ENOSF1: variants seen among roughly 807,000 people sequenced by gnomAD.
ENOSF1 encodes the protein mitochondrial enolase superfamily member 1.
Under a neutral mutation model 68.2 loss-of-function variants are expected in ENOSF1, and 73 were observed. The observed-to-expected ratio is 1.07, with a 90% confidence interval of 0.89 to 1.30. The LOEUF is 1.30. Ranked by LOEUF, ENOSF1 falls within the 50% of genes most tolerant of loss-of-function variation. The probability of loss-of-function intolerance (pLI) is 0.00; values close to 1 mark genes in which losing one functional copy is unlikely to be tolerated. For synonymous variants in ENOSF1, 223 were observed against 210.4 expected, an observed-to-expected ratio of 1.06 and a Z score of -0.52; for missense variants, 589 against 554.5, an observed-to-expected ratio of 1.06 and a Z score of -0.62.
intron 11 of ENOSF1, 95 bp downstream of exon 11, chr18:683,151 G>T: frequency 6.9e-7 from 1 of 1,459,816 alleles, no homozygotes; most frequent in Non-Finnish European, 9.3e-7. Context: ...AAATGCAAGA[G>T]GGAACAAGTG....
chr18:686,089 G>A (rs146074607), intron 9 of ENOSF1, 81 bp from the exon 10 acceptor site: 38 of 945,918 alleles, frequency 4.0e-5, no homozygotes, highest in Non-Finnish European at 5.4e-5. Flanking sequence ...AGAAGTGACC[G>A]TCTCTGTCAA....
At chr18:680,301 C>G (rs1396876634) in intron 11 of ENOSF1, among the ~76,000 whole-genome samples, 1 of 152,160 alleles carries the variant, frequency 6.6e-6, no homozygotes, top group East Asian at 1.9e-4. Flanking sequence ...CCTTTTCAAG[C>G]CAACATTTTA....
At chr18:693,989 C>T (rs2077467910) in intron 4 of ENOSF1, 81 bp from the exon 5 acceptor site, 3 of 999,186 alleles carry the variant, frequency 3.0e-6, no homozygotes, top group Non-Finnish European at 2.8e-6. Context: ...GTTGGCAGCT[C>T]TAATGCTGGC....
rs368581292 is a variant in ENOSF1, at chr18:691,284, C to G, written c.424-8G>C. ...TACCAGCATCCTGGGATCCTGGCAA[C>G]GTGACAGGAGGGGAAGAGGCCTGAA... is the stretch of plus-strand genomic sequence containing the variant. On this transcript the variant is annotated splice_region_variant and splice_polypyrimidine_tract_variant and intron_variant, in intron 5 of 15. Transcript: ENST00000647584. 1 of 1,611,122 alleles carries G rather than the reference C, an allele frequency of 6.2e-7. No individual in the cohort carries two copies. The highest frequency in any genetic ancestry group is 2.2e-5 in the East Asian group (1 of 44,846).
At chr18:678,398 C>T in intron 12 of ENOSF1, 1 of 461,488 alleles carries the variant, frequency 2.2e-6, no homozygotes. Flanking sequence ...AGCTGGCTTT[C>T]TTAAGACCAT....
At chr18:666,877 C>T (rs895373182), downstream of ENOSF1, among the ~76,000 whole-genome samples, 5 of 144,754 alleles carry the variant, frequency 3.5e-5, no homozygotes, top group Non-Finnish European at 6.0e-5. Context: ...TTAGGGATGA[C>T]GAAAAAGTTC....
At chr18:666,188 C>T (rs988478558), downstream of ENOSF1, among the ~76,000 whole-genome samples, 1 of 150,218 alleles carries the variant, frequency 6.7e-6, no homozygotes, top group Admixed American at 6.6e-5. Context: ...ACTTACTGGG[C>T]GCTTGGCACT....
downstream of ENOSF1, among the ~76,000 whole-genome samples, chr18:669,643 CTTAAT>C (rs891836869): frequency 5.9e-5 from 9 of 151,986 alleles, no homozygotes; most frequent in African/African-American, 1.7e-4. Context: ...ACCAGATGAT[CTTAAT>C]TTGTGTATTT....
chr18:674,550 T>TGACATGGATCA, intron 15 of ENOSF1, 144 bp from the exon 16 acceptor site: 1 of 538,520 alleles, frequency 1.9e-6, no homozygotes, highest in South Asian at 2.4e-5. Flanking sequence ...ATGGAGTCAC[T>TGACATGGATCA]GTCCGTTGCC....
intron 1 of ENOSF1, among the ~76,000 whole-genome samples, chr18:712,193 G>C (rs979182722): frequency 6.6e-6 from 1 of 152,232 alleles, no homozygotes; most frequent in Non-Finnish European, 1.5e-5. Flanking sequence ...AGAGTGGAAA[G>C]TTTCTGGATA....
chr18:688,657 TGACCAG>T (rs1242975940), intron 8 of ENOSF1, 49 bp from the exon 9 acceptor site: 2 of 1,558,150 alleles, frequency 1.3e-6, no homozygotes, highest in East Asian at 4.5e-5. Context: ...CCCCTTGGTC[TGACCAG>T]GAAGTCAGTC....
chr18:678,312 C>A, intron 12 of ENOSF1: 1 of 317,700 alleles, frequency 3.1e-6, no homozygotes, highest in East Asian at 7.3e-5. Flanking sequence ...GGGCTGACTG[C>A]AGCAGGTTTT....
chr18:709,350 C>A (rs556633147), intron 1 of ENOSF1, among the ~76,000 whole-genome samples: 4 of 151,878 alleles, frequency 2.6e-5, no homozygotes, highest in African/African-American at 9.7e-5. Context: ...CAGGAGGCCA[C>A]GAGGGGAGAG....
At chr18:670,047 T>TA (rs1043043934), downstream of ENOSF1, among the ~76,000 whole-genome samples, 2 of 54,110 alleles carry the variant, frequency 3.7e-5, no homozygotes, top group South Asian at 7.0e-4. Flanking sequence ...AGAGACTTAT[T>TA]TTTTTTTTTT....
At chr18:674,706 G>A (rs1325654780) in intron 15 of ENOSF1, among the ~76,000 whole-genome samples, 11 of 152,118 alleles carry the variant, frequency 7.2e-5, no homozygotes, top group Non-Finnish European at 1.5e-4. Flanking sequence ...TTTTTGTAGA[G>A]ACAGGGTTTC....
chr18:693,799 ATTTACTGATCATC>A, intron 5 of ENOSF1, 70 bp downstream of exon 5: 1 of 1,598,748 alleles, frequency 6.3e-7, no homozygotes, highest in Non-Finnish European at 8.5e-7. Context: ...TCCTGAATAT[ATTTACTGATCATC>A]AAAAGGCATG....
chr18:705,637 G>A (rs1181734690), intron 2 of ENOSF1, among the ~76,000 whole-genome samples: 2 of 152,122 alleles, frequency 1.3e-5, no homozygotes, highest in African/African-American at 4.8e-5. Context: ...TCTTCCCCAA[G>A]GGAGACCTCC....
intron 2 of ENOSF1, among the ~76,000 whole-genome samples, chr18:701,525 C>T (rs181452174): frequency 3.3e-5 from 5 of 151,982 alleles, no homozygotes; most frequent in African/African-American, 1.2e-4. Flanking sequence ...GAGGTCAAGG[C>T]GGGTGGATCA....
downstream of ENOSF1, among the ~76,000 whole-genome samples, chr18:667,517 T>C (rs1334309011): frequency 1.8e-5 from 1 of 55,236 alleles, no homozygotes; most frequent in African/African-American, 1.2e-4. Context: ...ATGGTGATGG[T>C]GATGGTGATG....
Sources: allele counts gnomAD v4.1 joint callset (sites outside exome capture counted in the v4.1 genomes callset), GRCh38; gene constraint gnomAD v4.1.1; transcripts MANE v1.5; gene names NCBI Gene and HGNC (gene_info 2026-07-23, HGNC 2026-07-21).